The following ZNF536 variants were observed in gnomAD, a reference collection of about 807,000 sequenced individuals.
ZNF536 encodes the protein zinc finger protein 536.
In ZNF536, 13 loss-of-function variants were observed where a neutral mutation model predicts 84.5. The observed-to-expected ratio is 0.15, with a 90% CI of 0.10 to 0.24. ZNF536 has a LOEUF of 0.24. Ranked by LOEUF, ZNF536 falls within the 10% of genes least tolerant of loss-of-function variation. The pLI is 1.00. For synonymous variants in ZNF536, 811 were observed against 742.5 expected, an observed-to-expected ratio of 1.09 and a Z score of -1.50; for missense variants, 1,536 against 1,747.5, an observed-to-expected ratio of 0.88 and a Z score of 2.16.
At chr19:30,622,997 T>G (rs1441233691) in intron 1 of ZNF536, among the ~76,000 whole-genome samples, 1 of 151,260 alleles carries the variant, frequency 6.6e-6, no homozygotes, top group East Asian at 1.9e-4. Context: ...GTCCTTCTGG[T>G]TTTTTCCAGC....
intron 3 of ZNF536, among the ~76,000 whole-genome samples, chr19:30,361,963 G>A (rs1385328439): frequency 6.6e-6 from 1 of 152,160 alleles, no homozygotes; most frequent in Non-Finnish European, 1.5e-5. Context: ...GGTCAGCTTT[G>A]CAAATAGACA....
At chr19:30,329,343 A>G (rs1011693571) in intron 2 of ZNF536, among the ~76,000 whole-genome samples, 3 of 151,862 alleles carry the variant, frequency 2.0e-5, no homozygotes, top group African/African-American at 4.8e-5. Flanking sequence ...TCCTAGGTCA[A>G]CTTTGCCCTT....
At chr19:30,257,945 C>G (rs765396932) in intron 1 of ZNF536, among the ~76,000 whole-genome samples, 1 of 152,186 alleles carries the variant, frequency 6.6e-6, no homozygotes, top group Non-Finnish European at 1.5e-5. Context: ...AGTACACAAG[C>G]AAGCCATCCT....
At chr19:30,616,549 T>TG (rs2048300689) in intron 1 of ZNF536, among the ~76,000 whole-genome samples, 1 of 152,230 alleles carries the variant, frequency 6.6e-6, no homozygotes, top group Non-Finnish European at 1.5e-5. Flanking sequence ...GTACTACTGC[T>TG]GCAATCTCCT....
intron 1 of ZNF536, among the ~76,000 whole-genome samples, chr19:30,652,325 TAAGTA>T (rs1309821769): frequency 6.6e-6 from 1 of 152,230 alleles, no homozygotes; most frequent in African/African-American, 2.4e-5. Flanking sequence ...AAAGAAAAGT[TAAGTA>T]ATTTTAGAAT....
In ZNF536 at chr19:30,444,424, G is replaced by A. The variant is rs2148183058; in HGVS notation, c.862G>A (p.Glu288Lys). 1 of 1,608,548 alleles carries A rather than the reference G, an allele frequency of 6.2e-7. No homozygotes were observed. Residue 288 changes from glutamate to lysine, a missense_variant, in exon 2 of 5, where the codon GAG becomes AAG. Glu to Lys is a moderately conservative substitution (Grantham distance 56). This residue lies in a region of ZNF536 where 61 missense variants were observed against 104.0 expected (regional missense o/e 0.59). Coordinates refer to ENST00000355537, the MANE Select transcript of ZNF536 (RefSeq NM_014717.3). ...CAAGGGCAAGTTCAAGAAGCGCGAG[G>A]AGCTGGACCGCCACATCCGCATCTT... ...FCKGKFKKRE[E>K]LDRHIRILHK...
Position 30,338,246 on chromosome 19 carries a change from A to G in ZNF536, c.-119-14122A>G, listed in dbSNP as rs140947108. ...AACAATGTTAATGGTGATTATGACA[A>G]TGATGATGATAAAGATGATTGATGA... On this transcript the variant is annotated intron_variant, in intron 2 of 5. Coordinates refer to the ZNF536 transcript ENST00000585628. 2.4e-3 allele frequency among the ~76,000 whole-genome samples: 370 copies of G among 151,706 alleles called. 2 individuals are homozygous for G. The highest frequency in any genetic ancestry group is 8.3e-3 in the African/African-American group (341 of 41,332).
chr19:30,328,037 G>A (rs376567358), intron 2 of ZNF536, among the ~76,000 whole-genome samples: 20 of 152,314 alleles, frequency 1.3e-4, no homozygotes, highest in African/African-American at 4.8e-4. Flanking sequence ...AGGTGGGTGT[G>A]GATGAAATGA....
intron 2 of ZNF536, among the ~76,000 whole-genome samples, chr19:30,338,095 C>T (rs1375904675): frequency 3.5e-5 from 5 of 142,752 alleles, no homozygotes; most frequent in Non-Finnish European, 7.6e-5. Context: ...TAATGGTGAT[C>T]GTGATGGTGA....
intron 2 of ZNF536, among the ~76,000 whole-genome samples, chr19:30,349,868 G>A (rs565612883): frequency 3.3e-5 from 5 of 152,010 alleles, no homozygotes; most frequent in South Asian, 2.1e-4. Flanking sequence ...AAGTGATATC[G>A]CATCTTCAAA....
intron 1 of ZNF536, among the ~76,000 whole-genome samples, chr19:30,380,824 C>G (rs1461841692): frequency 6.6e-6 from 1 of 152,068 alleles, no homozygotes; most frequent in Non-Finnish European, 1.5e-5. Context: ...ATGCGTGTTT[C>G]TTATTTATTT....
chr19:30,712,435 A>T (rs796071127), exon 2 of ZNF536: 51 of 152,216 alleles, frequency 3.4e-4, no homozygotes, highest in African/African-American at 1.2e-3. Flanking sequence ...ACTTAAAAAA[A>T]AAAAAAAGGT....
chr19:30,646,364 G>A (rs1050393903), intron 1 of ZNF536, among the ~76,000 whole-genome samples: 2 of 152,200 alleles, frequency 1.3e-5, no homozygotes, highest in African/African-American at 4.8e-5. Flanking sequence ...GCGCACACAT[G>A]TTCACGACTG....
At chr19:30,443,327 A>C (rs778350134) in intron 1 of ZNF536, among the ~76,000 whole-genome samples, 7 of 152,266 alleles carry the variant, frequency 4.6e-5, no homozygotes, top group Non-Finnish European at 1.0e-4. Context: ...TGCAGTCTGT[A>C]AATAGAAAAT....
chr19:30,689,428 T>C (rs914189578), intron 1 of ZNF536, among the ~76,000 whole-genome samples: 1 of 152,182 alleles, frequency 6.6e-6, no homozygotes, highest in Non-Finnish European at 1.5e-5. Flanking sequence ...AACAGGAACA[T>C]TTTCTTTCAG....
chr19:30,350,199 G>A (rs960087476), intron 2 of ZNF536, among the ~76,000 whole-genome samples: 5 of 152,104 alleles, frequency 3.3e-5, no homozygotes, highest in Admixed American at 3.3e-4. Context: ...GAACATATTT[G>A]CATGTTATCA....
intron 2 of ZNF536, among the ~76,000 whole-genome samples, chr19:30,325,671 A>T (rs2046999750): frequency 6.6e-6 from 1 of 152,210 alleles, no homozygotes; most frequent in East Asian, 1.9e-4. Context: ...ACAGAACCTT[A>T]GATATGCCAA....
chr19:30,585,112 A>G lies in ZNF536; in HGVS notation c.169+35598A>G, dbSNP rs564830073. 4.9e-4 allele frequency among the ~76,000 whole-genome samples: 74 copies of G among 151,782 alleles called. 2 individuals are homozygous for G. The highest frequency in any genetic ancestry group is 1.8e-3 in the African/African-American group (73 of 41,404). On this transcript the variant is annotated intron_variant, in intron 1 of 1. Coordinates refer to the ZNF536 transcript ENST00000592773. ...TCCAGCCTGGGCAACAGAACTTGCC[A>G]CTCAAAAAAAAAAAGAAAAAGAAAA...
intron 2 of ZNF536, among the ~76,000 whole-genome samples, chr19:30,454,974 G>A (rs1321008497): frequency 6.6e-5 from 10 of 152,020 alleles, no homozygotes; most frequent in African/African-American, 1.9e-4. Flanking sequence ...AGGAGGTTGC[G>A]GTGAGCCGAG....
Sources: allele counts gnomAD v4.1 joint callset (sites outside exome capture counted in the v4.1 genomes callset), GRCh38; gene constraint gnomAD v4.1.1; regional missense constraint gnomAD v4.1.1; transcripts MANE v1.5; gene names NCBI Gene and HGNC (gene_info 2026-07-23, HGNC 2026-07-21).